ITGA2: variants seen among roughly 807,000 people sequenced by gnomAD.
ITGA2 encodes integrin alpha-2.
In ITGA2, 101 loss-of-function variants were observed where a neutral mutation model predicts 146.3. The observed-to-expected ratio is 0.69, with a 90% CI of 0.59 to 0.81. ITGA2 has a LOEUF of 0.81. Among genes scored for constraint, ITGA2 ranks in the 40% least tolerant of loss-of-function variants. The probability of loss-of-function intolerance (pLI) is 0.00; values close to 1 mark genes in which losing one functional copy is unlikely to be tolerated. For synonymous variants in ITGA2, 477 were observed against 487.1 expected (o/e 0.98, Z 0.27); for missense variants, 1,281 against 1,402.7 (o/e 0.91, Z 1.39).
chr5:53,068,477 C>G (rs527589447), intron 16 of ITGA2, among the ~76,000 whole-genome samples: 1 of 152,030 alleles, frequency 6.6e-6, no homozygotes, highest in East Asian at 1.9e-4. Flanking sequence ...GGCCCCGAAG[C>G]ATAGAGGTGT....
intron 4 of ITGA2, among the ~76,000 whole-genome samples, chr5:53,048,073 G>A (rs761981635): frequency 4.3e-4 from 65 of 152,170 alleles, no homozygotes; most frequent in Non-Finnish European, 6.9e-4. Context: ...GAAAGCACCT[G>A]TTTTATCTAG....
Position 53,059,899 on chromosome 5 carries a change from G to A in ITGA2, c.1199G>A (p.Gly400Glu). 1.2e-6 allele frequency: 2 copies of A among 1,612,262 alleles called. No individual in the cohort carries two copies. Among genetic ancestry groups the A allele is most frequent in the Non-Finnish European group, 1.7e-6 (2 of 1,178,918 alleles). ...QNDILMLGAV[G>E]AFGWSGTIVQ... ...GATATTCTGATGCTGGGTGCAGTGGGAGCTTTTGGCTGGAGTGGGACCATT... is the reference window on the plus strand; with the variant it reads ...GATATTCTGATGCTGGGTGCAGTGGAAGCTTTTGGCTGGAGTGGGACCATT... The change falls in exon 11 of 30, where the codon GGA becomes GAA. Residue 400 changes from glycine to glutamate, a missense_variant. By Grantham distance (98) the Gly-to-Glu change is moderately conservative. Transcript: ENST00000296585.
At chr5:53,020,671 TTTA>T (rs971189275) in intron 1 of ITGA2, among the ~76,000 whole-genome samples, 3 of 150,874 alleles carry the variant, frequency 2.0e-5, no homozygotes, top group East Asian at 1.9e-4. Context: ...TTTATTTTAT[TTTA>T]TTATTATTAT....
intron 14 of ITGA2, 96 bp from the exon 15 acceptor site, chr5:53,065,745 T>C: frequency 6.8e-7 from 1 of 1,477,702 alleles, no homozygotes; most frequent in South Asian, 1.2e-5. Context: ...ATCTGGGACA[T>C]TACTATATAG....
chr5:53,036,179 A>G (rs1192839402), intron 2 of ITGA2, among the ~76,000 whole-genome samples: 2 of 152,164 alleles, frequency 1.3e-5, no homozygotes, highest in Non-Finnish European at 2.9e-5. Flanking sequence ...GCCCTGTATG[A>G]GCACTCCATC....
Position 53,073,042 on chromosome 5 carries a change from A to G in ITGA2, c.2430-76A>G, listed in dbSNP as rs113242832. 3.4e-6 allele frequency: 5 copies of G among 1,469,032 alleles called. No homozygotes were observed. The African/African-American group carries it at 5.6e-5, about 16-fold the overall frequency. 91.0% of individuals were successfully genotyped at this position (1,469,032 alleles called of 1,614,324 possible). ...TAAGTCTAAAGAGTTTAGTTTTTTA[A>G]TGAGTGAAATTTTAAAATACTGGCC... is the stretch of plus-strand genomic sequence containing the variant. On this transcript the variant is annotated intron_variant, in intron 19 of 29. Transcript: ENST00000296585.
intron 1 of ITGA2, among the ~76,000 whole-genome samples, chr5:53,017,528 TG>T (rs1742450169): frequency 6.6e-6 from 1 of 152,204 alleles, no homozygotes; most frequent in South Asian, 2.1e-4. Context: ...CAAAGCTCTT[TG>T]TTGGGGTGGT....
At position 53,086,937 on chromosome 5, in the gene ITGA2, ATTC is replaced by A; in HGVS notation, c.3259-12_3259-10del. 6.3e-7 allele frequency: 1 copy of A among 1,599,388 alleles called. No individual in the cohort carries two copies. The highest frequency in any genetic ancestry group is 1.1e-5 in the South Asian group (1 of 90,768). ...GCTGCTACGATAAAACATATTCCTT[ATTC>A]TTATGTTCCAGTCAACGTTCCAGAC... On this transcript the variant is annotated splice_polypyrimidine_tract_variant and intron_variant, in intron 27 of 29. Transcript: ENST00000296585.
Position 53,091,193 on chromosome 5 carries a change from CT to C in ITGA2, c.*598del. 5.9e-6 allele frequency: 1 copy of C among 168,332 alleles called. No individual in the cohort carries two copies. Among genetic ancestry groups the C allele is most frequent in the Non-Finnish European group, 1.3e-5 (1 of 77,606 alleles). 10.4% of individuals were successfully genotyped at this position (168,332 alleles called of 1,614,324 possible). A position where few individuals can be genotyped will look rare whatever the true frequency, so the allele number is the denominator to read the frequency against. The stretch of plus-strand genomic sequence containing the variant: ...ACTAGGTAAAATTTGTTGTTGGTTC[CT>C]TTTAGACCACGGCTGCCCCTTCCAC... On this transcript the variant is annotated 3_prime_UTR_variant, in exon 30 of 30. Transcript: ENST00000296585.
intron 1 of ITGA2, among the ~76,000 whole-genome samples, chr5:53,000,899 T>C (rs1561278947): frequency 8.8e-6 from 1 of 113,624 alleles, no homozygotes; most frequent in Non-Finnish European, 1.9e-5. Flanking sequence ...TTCTTTTTGT[T>C]TTTTTTTTTT....
chr5:53,042,084 G>T (rs1743826654), intron 2 of ITGA2, 28 bp from the exon 3 acceptor site: 8 of 1,293,746 alleles, frequency 6.2e-6, no homozygotes, highest in Non-Finnish European at 7.9e-6. Context: ...TTAACACTTT[G>T]TGTCTAATAA....
At chr5:53,056,473 T>G (rs1744640640) in intron 9 of ITGA2, among the ~76,000 whole-genome samples, 1 of 151,916 alleles carries the variant, frequency 6.6e-6, no homozygotes, top group South Asian at 2.1e-4. Flanking sequence ...CTGGAGAGAT[T>G]ATCAGGAAGC....
intron 9 of ITGA2, 101 bp downstream of exon 9, chr5:53,056,250 A>G: frequency 1.0e-6 from 1 of 982,610 alleles, no homozygotes; most frequent in Non-Finnish European, 1.5e-6. Flanking sequence ...TATACCATGT[A>G]TAAAAAGAGC....
At chr5:53,075,039 G>T in intron 21 of ITGA2, 22 bp from the exon 22 acceptor site, 1 of 1,549,988 alleles carries the variant, frequency 6.5e-7, no homozygotes, top group South Asian at 1.1e-5. Context: ...CATAGACTGA[G>T]AAATTTTAAT....
intron 2 of ITGA2, among the ~76,000 whole-genome samples, chr5:53,033,178 A>G (rs958761817): frequency 6.6e-6 from 1 of 152,134 alleles, no homozygotes; most frequent in Non-Finnish European, 1.5e-5. Context: ...CTGAGGCAGG[A>G]GAATCACTTG....
intron 12 of ITGA2, 81 bp downstream of exon 12, chr5:53,061,127 A>G: frequency 7.3e-7 from 1 of 1,374,208 alleles, no homozygotes; most frequent in Non-Finnish European, 1.0e-6. Flanking sequence ...GAAATGGAAA[A>G]CAACATGGCC....
chr5:53,030,549 G>A (rs1020558889), intron 2 of ITGA2, among the ~76,000 whole-genome samples: 4 of 152,224 alleles, frequency 2.6e-5, no homozygotes, highest in Non-Finnish European at 2.9e-5. Flanking sequence ...GAATTCAGAA[G>A]CAGGAAGGAC....
At chr5:53,061,872 G>A (rs1744918140) in intron 12 of ITGA2, among the ~76,000 whole-genome samples, 1 of 151,922 alleles carries the variant, frequency 6.6e-6, no homozygotes, top group South Asian at 2.1e-4. Context: ...CTAGGAGTAA[G>A]AAGACCCGAG....
chr5:53,079,689 T>C (rs755345349), intron 24 of ITGA2, among the ~76,000 whole-genome samples: 1 of 152,146 alleles, frequency 6.6e-6, no homozygotes, highest in Admixed American at 6.5e-5. Context: ...GATACTACAA[T>C]AGAATTTATA....
Sources: allele counts gnomAD v4.1 joint callset (sites outside exome capture counted in the v4.1 genomes callset), GRCh38; gene constraint gnomAD v4.1.1; transcripts MANE v1.5; gene names NCBI Gene and HGNC (gene_info 2026-07-23, HGNC 2026-07-21).